KHDRBS2: variants seen among roughly 807,000 people sequenced by gnomAD.
The protein encoded by KHDRBS2 is KH domain-containing, RNA-binding, signal transduction-associated protein 2.
In KHDRBS2, 26 loss-of-function variants were observed where a neutral mutation model predicts 44.3. That is an observed-to-expected ratio of 0.59 (90% CI 0.43 to 0.81). The LOEUF (loss-of-function observed/expected upper bound fraction) is 0.81, where lower values mean the gene tolerates loss of function less well. Among genes scored for constraint, KHDRBS2 ranks in the 40% least tolerant of loss-of-function variants. KHDRBS2 has a pLI of 0.00. For synonymous variants in KHDRBS2, 194 were observed against 151.1 expected (o/e 1.28, Z -2.08); for missense variants, 476 against 433.1 (o/e 1.10, Z -0.88).
At chr6:61,944,571 G>A (rs182279555) in intron 4 of KHDRBS2, among the ~76,000 whole-genome samples, 65 of 152,084 alleles carry the variant, frequency 4.3e-4, no homozygotes, top group Admixed American at 2.7e-3. Context: ...GAAGAAATGC[G>A]TTCTAATATT....
At chr6:61,624,678 AGGCACTTCTAT>A in the KHDRBS2 span, among the ~76,000 whole-genome samples, 2 of 152,148 alleles carry the variant, frequency 1.3e-5, no homozygotes, top group African/African-American at 4.8e-5. Context: ...TAATGCTGGA[AGGCACTTCTAT>A]GGCACCGCTG....
chr6:61,998,857 T>A (rs540903157), intron 3 of KHDRBS2, among the ~76,000 whole-genome samples: 1 of 152,220 alleles, frequency 6.6e-6, no homozygotes, highest in South Asian at 2.1e-4. Flanking sequence ...TACAAAATAC[T>A]GCCTGTTCAT....
At chr6:61,577,052 G>A in the KHDRBS2 span, among the ~76,000 whole-genome samples, 1 of 151,820 alleles carries the variant, frequency 6.6e-6, no homozygotes, top group African/African-American at 2.4e-5. Flanking sequence ...AGAATCTTAT[G>A]TAATTAAATT....
At chr6:61,600,874 C>T in the KHDRBS2 span, among the ~76,000 whole-genome samples, 1 of 152,184 alleles carries the variant, frequency 6.6e-6, no homozygotes, top group African/African-American at 2.4e-5. Context: ...CAATCTCTCC[C>T]TTCTCTTAAT....
intron 2 of KHDRBS2, among the ~76,000 whole-genome samples, chr6:62,121,798 T>C (rs1807713103): frequency 6.6e-6 from 1 of 151,724 alleles, no homozygotes; most frequent in Non-Finnish European, 1.5e-5. Flanking sequence ...CACACTGGAG[T>C]TATTTATGAG....
intron 6 of KHDRBS2, among the ~76,000 whole-genome samples, chr6:61,790,361 C>CT (rs1364871217): frequency 6.7e-6 from 1 of 149,432 alleles, no homozygotes; most frequent in Non-Finnish European, 1.5e-5. Context: ...GCAGAAATTG[C>CT]TAAAGAAGTT....
chr6:61,920,295 A>G (rs573197451), intron 4 of KHDRBS2, among the ~76,000 whole-genome samples: 45 of 152,042 alleles, frequency 3.0e-4, no homozygotes, highest in African/African-American at 9.6e-4. Flanking sequence ...AAATTTACAT[A>G]TCATAAAATA....
chr6:61,564,693 C>T, the KHDRBS2 span, among the ~76,000 whole-genome samples: 1 of 152,058 alleles, frequency 6.6e-6, no homozygotes, highest in Non-Finnish European at 1.5e-5. Context: ...GGCTGTGGAG[C>T]TGGAGATAGG....
Position 61,905,854 on chromosome 6 carries a change from C to CTTTTT in KHDRBS2, c.484-4488_484-4484dup, listed in dbSNP as rs10676797. The stretch of plus-strand genomic sequence containing the variant: ...AAAAAAAATATGGAACAAAACTTTT[C>CTTTTT]TTTTTTTTTTTTTTTTTTTGAGATG... On this transcript the variant is annotated intron_variant, in intron 4 of 8. Coordinates refer to ENST00000281156, the MANE Select transcript of KHDRBS2 (RefSeq NM_152688.4). Among the ~76,000 whole-genome samples the CTTTTT allele has an allele frequency of 5.1e-4, 58 of 114,160 alleles. 2 individuals carry two copies. The highest frequency in any genetic ancestry group is 8.6e-4 in the Admixed American group (8 of 9,266). The allele number at this position is 114,160 out of a possible 152,430, so 74.9% of individuals were successfully genotyped here.
intron 1 of KHDRBS2, among the ~76,000 whole-genome samples, chr6:62,240,672 G>GTGTGTA (rs1252806819): frequency 1.0e-3 from 66 of 64,150 alleles, no homozygotes; most frequent in Admixed American, 1.9e-3. Flanking sequence ...ATGTGTGTGT[G>GTGTGTA]TATATATATA....
the KHDRBS2 span, among the ~76,000 whole-genome samples, chr6:61,631,305 CAAAAAAAAAAAAAAAAAA>C: frequency 4.5e-5 from 3 of 66,974 alleles, no homozygotes; most frequent in Admixed American, 4.7e-4. Context: ...ACGAATAAGC[CAAAAAAAAAAAAAAAAAA>C]AAAAAAAAAA....
chr6:62,202,831 G>A (rs1262464436), intron 1 of KHDRBS2, among the ~76,000 whole-genome samples: 3 of 152,140 alleles, frequency 2.0e-5, no homozygotes, highest in Non-Finnish European at 4.4e-5. Context: ...CCTGTTCTGA[G>A]AAATGAGGGA....
chr6:61,769,624 G>A (rs1780532487), intron 6 of KHDRBS2, among the ~76,000 whole-genome samples: 1 of 126,632 alleles, frequency 7.9e-6, no homozygotes, highest in Non-Finnish European at 1.6e-5. Context: ...CGGCAGCGAG[G>A]CTGGGGGGGC....
chr6:61,591,117 C>A, the KHDRBS2 span, among the ~76,000 whole-genome samples: 1 of 152,134 alleles, frequency 6.6e-6, no homozygotes, highest in Non-Finnish European at 1.5e-5. Context: ...ATCACTGTTT[C>A]TCATACTGTG....
chr6:62,113,633 T>G (rs1805542646), intron 2 of KHDRBS2, among the ~76,000 whole-genome samples: 1 of 152,170 alleles, frequency 6.6e-6, no homozygotes, highest in African/African-American at 2.4e-5. Flanking sequence ...TTGAGTAATA[T>G]TGTGAACATC....
chr6:61,738,356 G>A (rs1305750742), intron 6 of KHDRBS2, among the ~76,000 whole-genome samples: 1 of 151,918 alleles, frequency 6.6e-6, no homozygotes, highest in Non-Finnish European at 1.5e-5. Context: ...TTCCTCCCTG[G>A]AACATGGTCA....
At chr6:61,879,251 C>A (rs914480486) in intron 6 of KHDRBS2, among the ~76,000 whole-genome samples, 1 of 151,892 alleles carries the variant, frequency 6.6e-6, no homozygotes, top group Non-Finnish European at 1.5e-5. Context: ...TACTTCACAC[C>A]CACTTTATGA....
chr6:61,903,433 A>AT (rs1319459684), intron 4 of KHDRBS2, among the ~76,000 whole-genome samples: 20 of 152,244 alleles, frequency 1.3e-4, no homozygotes, highest in Non-Finnish European at 2.2e-4. Flanking sequence ...GAGCATAAAT[A>AT]TTTTTTACAC....
At chr6:61,572,277 A>T in the KHDRBS2 span, among the ~76,000 whole-genome samples, 1 of 152,078 alleles carries the variant, frequency 6.6e-6, no homozygotes, top group South Asian at 2.1e-4. Context: ...AGGAAGAAAT[A>T]AAAAAATCTG....
Sources: allele counts gnomAD v4.1 joint callset (sites outside exome capture counted in the v4.1 genomes callset), GRCh38; gene constraint gnomAD v4.1.1; transcripts MANE v1.5; gene names NCBI Gene and HGNC (gene_info 2026-07-23, HGNC 2026-07-21).